Variants in CEP44 observed in about 807,000 individuals in gnomAD.
CEP44 encodes centrosomal protein of 44 kDa.
CEP44 carries 45 observed loss-of-function variants against 46.7 expected under a neutral mutation model. The observed-to-expected ratio is 0.96, with a 90% CI of 0.76 to 1.24. The LOEUF (loss-of-function observed/expected upper bound fraction) is 1.24. CEP44 is among the 50% of genes most tolerant of loss of function. CEP44 has a pLI of 0.00. For missense variants in CEP44, 475 were observed against 459.7 expected (o/e 1.03, Z -0.30); for synonymous variants, 142 against 146.0 (o/e 0.97, Z 0.20).
At chr4:174,291,336 A>G (rs746256562) in intron 1 of CEP44, among the ~76,000 whole-genome samples, 10 of 151,976 alleles carry the variant, frequency 6.6e-5, no homozygotes, top group Non-Finnish European at 8.8e-5. Flanking sequence ...GTTTGCATCA[A>G]ATATTATGTA....
intron 4 of CEP44, among the ~76,000 whole-genome samples, chr4:174,303,273 CATTTTA>C (rs536289607): frequency 0.081 from 12,255 of 151,588 alleles, 615 homozygotes; most frequent in South Asian, 0.22. Context: ...TGTTTTTTTT[CATTTTA>C]CAAATGAAAA....
rs771673200 is a variant in CEP44, at chr4:174,331,833, C to A, written c.*238C>A. 4 of 424,454 alleles carry A rather than the reference C, an allele frequency of 9.4e-6. No homozygotes were observed. The highest frequency in any genetic ancestry group is 4.0e-5 in the African/African-American group (2 of 49,532). The allele number at this position is 424,454 out of a possible 1,614,324, so 26.3% of individuals were successfully genotyped here. A position where few individuals can be genotyped will look rare whatever the true frequency, so the allele number is the denominator to read the frequency against. On this transcript the variant is annotated 3_prime_UTR_variant, in exon 9 of 9. Transcript: ENST00000426172. The surrounding 1 kb of genome is among the most constrained non-coding windows in gnomAD (Gnocchi z 4.5). Reference sequence around the variant, plus strand: ...CAAAATGTCTGCTGATAGCCCCTCACTCATATTTTTCATGTGGGTTTATAG... The same window carrying A: ...CAAAATGTCTGCTGATAGCCCCTCAATCATATTTTTCATGTGGGTTTATAG...
At chr4:174,328,657 A>T (rs1731139725) in intron 8 of CEP44, among the ~76,000 whole-genome samples, 1 of 152,154 alleles carries the variant, frequency 6.6e-6, no homozygotes, top group Non-Finnish European at 1.5e-5. Context: ...TTTAGGAGCA[A>T]CTCAAACTTA....
chr4:174,286,906 G>T lies in CEP44; in HGVS notation c.-148+2963G>T, dbSNP rs923005221. ...CCCCATGTATGTCAGCTTTTAGTAGGTATCACCAGTAAGTTTTCCAAAATA... is the reference window on the plus strand; with the variant it reads ...CCCCATGTATGTCAGCTTTTAGTAGTTATCACCAGTAAGTTTTCCAAAATA... On this transcript the variant is annotated intron_variant, in intron 1 of 11. Transcript: ENST00000503780. The surrounding 1 kb of genome is among the most constrained non-coding windows in gnomAD (Gnocchi z 5.2). 1.3e-5 allele frequency among the ~76,000 whole-genome samples: 2 copies of T among 152,122 alleles called. No individual in the cohort carries two copies. Among genetic ancestry groups the T allele is most frequent in the Non-Finnish European group, 2.9e-5 (2 of 68,018 alleles).
rs771226342 is a variant in CEP44 at position 174,299,238 on chromosome 4, ATTC to A, written c.89+34_89+36del. On this transcript the variant is annotated intron_variant, in intron 3 of 11. Transcript: ENST00000503780. ...AAGCTATAATATCAAACTTAATTGTATTCTTCTTGCTAGTGATTTGAGATGATA... is the reference window on the plus strand; with the variant it reads ...AAGCTATAATATCAAACTTAATTGTATTCTTGCTAGTGATTTGAGATGATA... 8 of 1,552,976 alleles carry A rather than the reference ATTC, an allele frequency of 5.2e-6. No homozygotes were observed. In the East Asian group the frequency reaches 1.1e-4, roughly 22 times the overall value.
chr4:174,316,043 A>C, intron 9 of CEP44, 123 bp from the exon 10 acceptor site: 1 of 1,188,836 alleles, frequency 8.4e-7, no homozygotes, highest in Non-Finnish European at 1.2e-6. Context: ...AAACTCTTTG[A>C]TCTATGCGGA....
At position 174,316,582 on chromosome 4, in the gene CEP44, G is replaced by T; in HGVS notation, c.1124+15G>T. 6.3e-7 allele frequency: 1 copy of T among 1,583,660 alleles called. No individual in the cohort carries two copies. Among genetic ancestry groups the T allele is most frequent in the South Asian group, 1.1e-5 (1 of 87,418 alleles). ...ATGAAAAAAATGTAAGTAACAGAAA[G>T]GGGCAACAGAAATTCATTTCTCTAT... On this transcript the variant is annotated intron_variant, in intron 11 of 11. Transcript: ENST00000503780.
At chr4:174,313,474 G>A (rs1741328305) in intron 9 of CEP44, among the ~76,000 whole-genome samples, 1 of 152,028 alleles carries the variant, frequency 6.6e-6, no homozygotes. Flanking sequence ...GAAGGAAGCT[G>A]TAGCAGAAGA....
At position 174,318,138 on chromosome 4, in the gene CEP44, A is replaced by G. The variant is rs1165066514; in HGVS notation, c.*755A>G. On this transcript the variant is annotated 3_prime_UTR_variant, in exon 12 of 12. Coordinates refer to ENST00000503780, the MANE Select transcript of CEP44 (RefSeq NM_001040157.3). ...GAGTGCAATAGCACGATCTTGGCTC[A>G]CCGCAACCTCTGCCTACCGGGTTCA... 4.6e-6 allele frequency: 4 copies of G among 874,236 alleles called. No homozygotes were observed. Among genetic ancestry groups the G allele is most frequent in the Non-Finnish European group, 5.5e-6 (4 of 728,574 alleles). The allele number at this position is 874,236 out of a possible 1,614,324, so 54.2% of individuals were successfully genotyped here.
At chr4:174,302,883 C>G (rs1739899486) in intron 4 of CEP44, among the ~76,000 whole-genome samples, 1 of 151,540 alleles carries the variant, frequency 6.6e-6, no homozygotes, top group Non-Finnish European at 1.5e-5. Context: ...TGGGTTCAAG[C>G]AGTTCCCCTG....
rs1026560771 is a variant in CEP44, at chr4:174,312,897, C to T, written c.961+2039C>T. On this transcript the variant is annotated intron_variant, in intron 9 of 11. Coordinates refer to ENST00000503780, the MANE Select transcript of CEP44 (RefSeq NM_001040157.3). The surrounding 1 kb of genome is among the most constrained non-coding windows in gnomAD (Gnocchi z 4.5). ...TTTGTGAGGTTCCAGATTTGTTTTGCCTTTATCAGGAATACAGTGTTCCAT... is the reference window on the plus strand; with the variant it reads ...TTTGTGAGGTTCCAGATTTGTTTTGTCTTTATCAGGAATACAGTGTTCCAT... 6.6e-6 allele frequency among the ~76,000 whole-genome samples: 1 copy of T among 152,016 alleles called. No homozygotes were observed. Among genetic ancestry groups the T allele is most frequent in the African/African-American group, 2.4e-5 (1 of 41,364 alleles).
At chr4:174,306,704 A>G (rs1419861487) in intron 6 of CEP44, among the ~76,000 whole-genome samples, 1 of 152,032 alleles carries the variant, frequency 6.6e-6, no homozygotes, top group African/African-American at 2.4e-5. Context: ...GTTTAAAATA[A>G]TTGTAGGAGG....
At position 174,297,571 on chromosome 4, in the gene CEP44, A is replaced by G. The variant is rs779921978; in HGVS notation, c.-147-395A>G. ...TCTAGGTCCATCCACCTTCTCTAGC[A>G]TAGAACCTGATAGTCTGCTGTCACA... On this transcript the variant is annotated intron_variant, in intron 1 of 11. Transcript: ENST00000503780. The surrounding 1 kb of genome is among the most constrained non-coding windows in gnomAD (Gnocchi z 4.3). Among the ~76,000 whole-genome samples the G allele has an allele frequency of 6.6e-6, 1 of 152,156 alleles. No individual in the cohort carries two copies. The highest frequency in any genetic ancestry group is 1.5e-5 in the Non-Finnish European group (1 of 68,038).
Position 174,283,978 on chromosome 4 carries a change from C to G in CEP44, c.-148+35C>G, listed in dbSNP as rs1737241454. ...GGGCAGGAACCCACAATTCCAAATACAAACGGTCGGCGCGAGAAGCGCTTC... is the reference window on the plus strand; with the variant it reads ...GGGCAGGAACCCACAATTCCAAATAGAAACGGTCGGCGCGAGAAGCGCTTC... On this transcript the variant is annotated intron_variant, in intron 1 of 11. Coordinates refer to ENST00000503780, the MANE Select transcript of CEP44 (RefSeq NM_001040157.3). This position sits in a 1 kb window ranked among gnomAD's most constrained non-coding sequence, Gnocchi z 6.7. The G allele has an allele frequency of 2.5e-6, 1 of 399,610 alleles. No individual in the cohort carries two copies. Among genetic ancestry groups the G allele is most frequent in the African/African-American group, 2.1e-5 (1 of 48,684 alleles). The allele number at this position is 399,610 out of a possible 1,614,324, so 24.8% of individuals were successfully genotyped here. A position where few individuals can be genotyped will look rare whatever the true frequency, so the allele number is the denominator to read the frequency against.
downstream of CEP44, among the ~76,000 whole-genome samples, chr4:174,324,592 C>A (rs753278296): frequency 1.3e-5 from 2 of 152,056 alleles, no homozygotes; most frequent in Non-Finnish European, 2.9e-5. Context: ...TGGTGTAAAC[C>A]AAAAGTTAAG....
intron 9 of CEP44, among the ~76,000 whole-genome samples, chr4:174,313,446 G>A (rs895390178): frequency 6.6e-6 from 1 of 151,902 alleles, no homozygotes; most frequent in African/African-American, 2.4e-5. Flanking sequence ...CTAGCAGGAA[G>A]GGTACATGTG....
At position 174,331,076 on chromosome 4, in the gene CEP44, A is replaced by G. The variant is rs765433699; in HGVS notation, c.1087-406A>G. ...TGATGTCTTTACACCCATAAAAGGT[A>G]TACTTTTCTATAGGAATTGTTGTTT... On this transcript the variant is annotated intron_variant, in intron 8 of 8. Transcript: ENST00000426172. This position sits in a 1 kb window ranked among gnomAD's most constrained non-coding sequence, Gnocchi z 4.5. Among the ~76,000 whole-genome samples, 1 of 152,150 alleles carries G rather than the reference A, an allele frequency of 6.6e-6. No homozygotes were observed. The highest frequency in any genetic ancestry group is 1.5e-5 in the Non-Finnish European group (1 of 68,024).
chr4:174,308,256 G>C (rs1012908739), intron 6 of CEP44, among the ~76,000 whole-genome samples: 1 of 152,140 alleles, frequency 6.6e-6, no homozygotes, highest in Non-Finnish European at 1.5e-5. Flanking sequence ...AGCAGATAAA[G>C]AAGATGTGGT....
At chr4:174,292,869 C>T (rs1738397330) in intron 1 of CEP44, among the ~76,000 whole-genome samples, 1 of 152,142 alleles carries the variant, frequency 6.6e-6, no homozygotes, top group African/African-American at 2.4e-5. Flanking sequence ...TCAAGCAGAT[C>T]ATGGATCTTC....
Sources: gnomAD v4.1 joint callset for allele counts (sites outside exome capture counted in the v4.1 genomes callset) on GRCh38, gnomAD v4.1.1 for gene constraint, Gnocchi (gnomAD v3.1) non-coding constraint, MANE v1.5 for transcripts, NCBI Gene and HGNC (gene_info 2026-07-23, HGNC 2026-07-21) for gene names.